Variants in CSMD1 observed in about 807,000 individuals in gnomAD.
The protein encoded by CSMD1 is CUB and sushi domain-containing protein 1.
Under a neutral mutation model 417.5 loss-of-function variants are expected in CSMD1, and 213 were observed. That is an observed-to-expected ratio of 0.51 (90% CI 0.46 to 0.57). CSMD1 has a LOEUF of 0.57. CSMD1 is among the 20% of genes least tolerant of loss of function. CSMD1 has a pLI of 0.00. For missense variants in CSMD1, 6,923 were observed against 4,529.7 expected (o/e 1.53, Z -15.17); for synonymous variants, 2,862 against 1,736.8 (o/e 1.65, Z -16.11).
At chr8:3,615,016 C>A (rs1038525760) in intron 8 of CSMD1, among the ~76,000 whole-genome samples, 4 of 152,170 alleles carry the variant, frequency 2.6e-5, no homozygotes, top group Non-Finnish European at 5.9e-5. Flanking sequence ...GAAGAATGGG[C>A]AATTTTATTT....
intron 21 of CSMD1, among the ~76,000 whole-genome samples, chr8:3,357,631 A>G (rs1808879877): frequency 6.6e-6 from 1 of 152,232 alleles, no homozygotes; most frequent in Non-Finnish European, 1.5e-5. Flanking sequence ...TCAGTAGACT[A>G]CTGACTGTTA....
At chr8:4,985,357 C>A (rs940464062) in intron 1 of CSMD1, among the ~76,000 whole-genome samples, 2 of 94,002 alleles carry the variant, frequency 2.1e-5, no homozygotes, top group Non-Finnish European at 4.3e-5. Context: ...TGCACATCTG[C>A]CCTGGAACTT....
intron 1 of CSMD1, among the ~76,000 whole-genome samples, chr8:4,952,565 T>C (rs1585396784): frequency 6.6e-6 from 1 of 152,090 alleles, no homozygotes; most frequent in Non-Finnish European, 1.5e-5. Flanking sequence ...AAATTTTCAC[T>C]TTAAAATTAT....
intron 52 of CSMD1, among the ~76,000 whole-genome samples, chr8:3,010,079 T>A (rs965771080): frequency 3.3e-5 from 5 of 152,164 alleles, no homozygotes; most frequent in African/African-American, 1.2e-4. Context: ...CCTGCCGGTG[T>A]CACGTCTTTC....
At chr8:3,201,845 A>T (rs1157276645) in intron 31 of CSMD1, 120 bp from the exon 32 acceptor site, 1 of 312,320 alleles carries the variant, frequency 3.2e-6, no homozygotes. Context: ...GAATTTGGTA[A>T]AAAAATAAAT....
At chr8:4,402,242 C>G (rs1193487131) in intron 3 of CSMD1, among the ~76,000 whole-genome samples, 1 of 152,126 alleles carries the variant, frequency 6.6e-6, no homozygotes, top group African/African-American at 2.4e-5. Flanking sequence ...CTCATTCCCT[C>G]CAGGAACATC....
intron 3 of CSMD1, among the ~76,000 whole-genome samples, chr8:4,096,680 C>G (rs778993535): frequency 6.6e-6 from 1 of 152,212 alleles, no homozygotes; most frequent in Non-Finnish European, 1.5e-5. Context: ...GCAACAAATT[C>G]AGACTTTCCA....
At position 3,106,196 on chromosome 8, in the gene CSMD1, G is replaced by A. The variant is rs577956063; in HGVS notation, c.6949+332C>T. The stretch of plus-strand genomic sequence containing the variant: ...AGTCCAGAAGTTCAAGACCAGCCTG[G>A]GTAACATGTTGAAAACCCATTTCTA... On this transcript the variant is annotated intron_variant, in intron 46 of 69. Coordinates refer to ENST00000635120, the MANE Select transcript of CSMD1 (RefSeq NM_033225.6). 5.4e-5 allele frequency among the ~76,000 whole-genome samples: 8 copies of A among 147,140 alleles called. No homozygotes were observed. The South Asian group carries it at 1.8e-3, about 33-fold the overall frequency.
At chr8:3,295,477 T>C (rs1186030545) in intron 25 of CSMD1, among the ~76,000 whole-genome samples, 1 of 152,180 alleles carries the variant, frequency 6.6e-6, no homozygotes, top group Non-Finnish European at 1.5e-5. Context: ...GAAAAAAAGG[T>C]AGAACTTTGT....
chr8:3,499,270 T>A (rs970365418), intron 10 of CSMD1, among the ~76,000 whole-genome samples: 3 of 152,206 alleles, frequency 2.0e-5, no homozygotes, highest in African/African-American at 7.2e-5. Context: ...AATGTCTGCA[T>A]GTTTGTAGCT....
chr8:3,499,906 G>C (rs1372918491), intron 10 of CSMD1, among the ~76,000 whole-genome samples: 1 of 152,134 alleles, frequency 6.6e-6, no homozygotes, highest in Non-Finnish European at 1.5e-5. Context: ...CAGAGAACAA[G>C]AGAGGAACCC....
At chr8:3,088,375 A>C (rs1247806634) in intron 48 of CSMD1, among the ~76,000 whole-genome samples, 2 of 152,326 alleles carry the variant, frequency 1.3e-5, no homozygotes, top group East Asian at 3.9e-4. Flanking sequence ...GGGAATTCTC[A>C]GTTTCTTTTT....
intron 5 of CSMD1, among the ~76,000 whole-genome samples, chr8:3,778,475 C>T (rs184681017): frequency 6.6e-6 from 1 of 152,334 alleles, no homozygotes; most frequent in East Asian, 1.9e-4. Context: ...ACAAGGGTTC[C>T]TGTCTTACGG....
At chr8:4,954,825 T>C (rs1411647508) in intron 1 of CSMD1, among the ~76,000 whole-genome samples, 1 of 152,224 alleles carries the variant, frequency 6.6e-6, no homozygotes, top group African/African-American at 2.4e-5. Context: ...TCATTTTCTC[T>C]TACTTTTGCT....
intron 3 of CSMD1, among the ~76,000 whole-genome samples, chr8:4,066,447 C>T (rs1326532376): frequency 2.6e-5 from 4 of 152,044 alleles, no homozygotes; most frequent in Non-Finnish European, 5.9e-5. Context: ...GCTAGCTACC[C>T]GATAATATTT....
At chr8:3,651,791 CA>C (rs1797870401) in intron 7 of CSMD1, among the ~76,000 whole-genome samples, 1 of 148,146 alleles carries the variant, frequency 6.8e-6, no homozygotes, top group African/African-American at 2.5e-5. Flanking sequence ...TCAGAGCACC[CA>C]CCACCATCGC....
chr8:2,987,580 TCA>T (rs1340261959), intron 54 of CSMD1, among the ~76,000 whole-genome samples: 1 of 152,196 alleles, frequency 6.6e-6, no homozygotes, highest in Non-Finnish European at 1.5e-5. Context: ...CGGATATAAC[TCA>T]CAATTTTTGC....
At chr8:4,398,328 A>G (rs1438782934) in intron 3 of CSMD1, among the ~76,000 whole-genome samples, 2 of 150,540 alleles carry the variant, frequency 1.3e-5, no homozygotes, top group Non-Finnish European at 3.0e-5. Context: ...AATATTCGTT[A>G]GGACTGATAG....
chr8:4,658,600 T>C (rs1363470229), intron 1 of CSMD1, among the ~76,000 whole-genome samples: 1 of 152,116 alleles, frequency 6.6e-6, no homozygotes, highest in African/African-American at 2.4e-5. Context: ...AATGCTACAA[T>C]GAATGCCAGT....
Sources: gnomAD v4.1 joint callset for allele counts (sites outside exome capture counted in the v4.1 genomes callset) on GRCh38, gnomAD v4.1.1 for gene constraint, MANE v1.5 for transcripts, NCBI Gene and HGNC (gene_info 2026-07-23, HGNC 2026-07-21) for gene names.